The following KMT2C variants were observed in gnomAD, a reference collection of about 807,000 sequenced individuals.
The protein encoded by KMT2C is lysine methyltransferase 2C.
A neutral mutation model predicts 507.9 loss-of-function variants in KMT2C; 88 were observed. That is an observed-to-expected ratio of 0.17 (90% CI 0.15 to 0.21). The LOEUF is 0.21. Among genes scored for constraint, KMT2C ranks in the 10% least tolerant of loss-of-function variants. KMT2C has a pLI of 1.00. For missense variants in KMT2C, 4,954 were observed against 5,957.8 expected, an observed-to-expected ratio of 0.83 and a Z score of 5.55; for synonymous variants, 2,049 against 2,080.8, an observed-to-expected ratio of 0.98 and a Z score of 0.42.
In KMT2C at chr7:152,163,721, G is replaced by A. The variant is rs778258336; in HGVS notation, c.9856C>T (p.Pro3286Ser). The A allele has an allele frequency of 1.6e-5, 26 of 1,614,202 alleles. 1 individual carries two copies. The highest frequency in any genetic ancestry group is 8.9e-5 in the East Asian group (4 of 44,888). The change falls in exon 43 of 59, where the codon CCC becomes TCC. Residue 3286 changes from proline to serine, a missense_variant. Pro to Ser is a moderately conservative substitution (Grantham distance 74). Around this residue, in one of 29 missense-constraint regions of KMT2C, gnomAD observed 801 missense variants for 751.2 expected, o/e 1.07. Transcript: ENST00000262189. ...APPTMMPSVQPQPPLIPGATP... is the reference protein window; with the variant it reads ...APPTMMPSVQSQPPLIPGATP... ...GCACCTGGAATTAGGGGTGGCTGGG[G>A]CTGGACACTGGGCATCATGGTAGGT...
Position 152,156,394 on chromosome 7 carries a change from C to CG in KMT2C, c.11671-49_11671-48insC, listed in dbSNP as rs1563174769. On this transcript the variant is annotated intron_variant, in intron 44 of 58. Transcript: ENST00000262189. The stretch of plus-strand genomic sequence containing the variant: ...AATTATATGCTACTGAGCGAATATG[C>CG]AATGACCTTGCTAAAACGTAGTTCT... 3 of 1,596,506 alleles carry CG rather than the reference C, an allele frequency of 1.9e-6. No homozygotes were observed. The South Asian group carries it at 3.4e-5, about 18-fold the overall frequency.
chr7:152,271,673 CAAAAAAAAA>C (rs35698920), intron 7 of KMT2C, among the ~76,000 whole-genome samples: 2 of 55,004 alleles, frequency 3.6e-5, no homozygotes, highest in South Asian at 1.4e-3. Flanking sequence ...GACTCCATCT[CAAAAAAAAA>C]AAAAAAAAAA....
intron 10 of KMT2C, 81 bp downstream of exon 10, chr7:152,252,465 G>C (rs2095577349): frequency 1.8e-6 from 2 of 1,117,558 alleles, no homozygotes; most frequent in East Asian, 4.8e-5. Flanking sequence ...TAAAAACTTA[G>C]AAGCTGTAAG....
intron 1 of KMT2C, among the ~76,000 whole-genome samples, chr7:152,363,100 C>G (rs1050620094): frequency 6.6e-6 from 1 of 152,138 alleles, no homozygotes; most frequent in Non-Finnish European, 1.5e-5. Context: ...CTATCAGTTG[C>G]CAACTTTCAT....
intron 1 of KMT2C, among the ~76,000 whole-genome samples, chr7:152,387,091 A>G (rs1273440517): frequency 1.3e-5 from 2 of 152,170 alleles, no homozygotes; most frequent in East Asian, 3.8e-4. Context: ...TTTTACAATC[A>G]AGAAGACACA....
chr7:152,176,929 T>C lies in KMT2C; in HGVS notation c.8524A>G (p.Asn2842Asp). Residue 2842 changes from asparagine to aspartate, a missense_variant, in exon 38 of 59, where the codon AAT becomes GAT. Asn to Asp is a conservative substitution (Grantham distance 23, BLOSUM62 1). This residue lies in a region of KMT2C where 1,689 missense variants were observed against 1,654.3 expected (regional missense o/e 1.02). Coordinates refer to ENST00000262189, the MANE Select transcript of KMT2C (RefSeq NM_170606.3). ...TCAACATTATCTTTATTCTCATCAT[T>C]TTTTTCAGTTTCACATTTGGATTCC... ...KVESKCETEK[N>D]DENKDNVDTP... 1.2e-6 allele frequency: 2 copies of C among 1,614,200 alleles called. No individual in the cohort carries two copies. Among genetic ancestry groups the C allele is most frequent in the East Asian group, 2.2e-5 (1 of 44,886 alleles).
At chr7:152,370,220 GAGC>G in intron 1 of KMT2C, among the ~76,000 whole-genome samples, 1 of 151,032 alleles carries the variant, frequency 6.6e-6, no homozygotes, top group African/African-American at 2.4e-5. Context: ...GACAATAAAA[GAGC>G]AGTATGAACA....
At chr7:152,411,058 T>C (rs2097678014) in intron 1 of KMT2C, among the ~76,000 whole-genome samples, 1 of 152,248 alleles carries the variant, frequency 6.6e-6, no homozygotes, top group Non-Finnish European at 1.5e-5. Context: ...TATGTGTGCA[T>C]ACACACACAA....
chr7:152,181,947 C>T lies in KMT2C; in HGVS notation c.5913G>A (p.Arg1971=), dbSNP rs138984385. Reference sequence around the variant, plus strand: ...TGGGAAATTGATCTGTCATCACAGGCCTAGGTGTGTCTGGAGGTTTTGCAT... The same window carrying T: ...TGGGAAATTGATCTGTCATCACAGGTCTAGGTGTGTCTGGAGGTTTTGCAT... ...DPYAKPPDTP[R]PVMTDQFPKS... The change falls in exon 36 of 59, where the codon AGG becomes AGA. Residue 1971 remains arginine (R), a synonymous_variant. Coordinates refer to ENST00000262189, the MANE Select transcript of KMT2C (RefSeq NM_170606.3). 9 of 1,613,976 alleles carry T rather than the reference C, an allele frequency of 5.6e-6. No individual in the cohort carries two copies. In the African/African-American group the frequency reaches 1.1e-4, roughly 19 times the overall value.
Position 152,412,400 on chromosome 7 carries a change from C to CA in KMT2C, c.161+23225dup, listed in dbSNP as rs35035202. Among the ~76,000 whole-genome samples the CA allele has an allele frequency of 4.7e-5, 7 of 148,878 alleles. 1 individual carries two copies. In the South Asian group the frequency reaches 8.5e-4, roughly 18 times the overall value. On this transcript the variant is annotated intron_variant, in intron 1 of 58. Transcript: ENST00000262189. Reference sequence around the variant, plus strand: ...TGGGCGACAGAGCAAGACTCCCTCTCAAAAAAAAATTTTTTTAATGTTGCA... The same window carrying CA: ...TGGGCGACAGAGCAAGACTCCCTCTCAAAAAAAAAATTTTTTTAATGTTGCA...
chr7:152,252,205 G>A, intron 10 of KMT2C, 115 bp from the exon 11 acceptor site: 2 of 740,638 alleles, frequency 2.7e-6, no homozygotes, highest in East Asian at 2.8e-5. Context: ...TATGAGAGGA[G>A]AGAGGTTAGA....
rs530860408 is a variant in KMT2C at position 152,308,445 on chromosome 7, G to A, written c.849+1521C>T. ...AATCCCAGCACGTCAGGAGGCCAAG[G>A]CAGGCAGATCACCTGAGGTCAGGAG... On this transcript the variant is annotated intron_variant, in intron 6 of 58. Transcript: ENST00000262189. Among the ~76,000 whole-genome samples, 67 of 149,922 alleles carry A rather than the reference G, an allele frequency of 4.5e-4. 1 individual carries two copies. In the South Asian group the frequency reaches 0.014, roughly 31 times the overall value.
intron 1 of KMT2C, among the ~76,000 whole-genome samples, chr7:152,398,104 C>T (rs2097548193): frequency 6.6e-6 from 1 of 152,166 alleles, no homozygotes; most frequent in Non-Finnish European, 1.5e-5. Context: ...CATTAACAGA[C>T]ACACTCAGTA....
intron 56 of KMT2C, 93 bp downstream of exon 56, chr7:152,139,582 G>A: frequency 1.2e-6 from 1 of 845,576 alleles, no homozygotes; most frequent in Non-Finnish European, 2.0e-6. Flanking sequence ...CAGCATGACA[G>A]ATTTCATTCT....
chr7:152,355,021 T>C (rs562667176), intron 2 of KMT2C, among the ~76,000 whole-genome samples: 33 of 152,156 alleles, frequency 2.2e-4, no homozygotes, highest in South Asian at 1.7e-3. Flanking sequence ...AGCAGTCCAG[T>C]GGAATGGTAG....
In KMT2C at chr7:152,389,101, C is replaced by T. The variant is rs573043514; in HGVS notation, c.162-30426G>A. Reference sequence around the variant, plus strand: ...GTTTCACCGTGTTAGCAAGGATAGTCTCGACCTCCTGGCCTCGTGATCTGC... The same window carrying T: ...GTTTCACCGTGTTAGCAAGGATAGTTTCGACCTCCTGGCCTCGTGATCTGC... On this transcript the variant is annotated intron_variant, in intron 1 of 58. Transcript: ENST00000262189. Among the ~76,000 whole-genome samples the T allele has an allele frequency of 1.5e-3, 222 of 152,184 alleles. 1 individual carries two copies. The highest frequency in any genetic ancestry group is 5.1e-3 in the African/African-American group (210 of 41,540).
At chr7:152,347,078 C>G (rs1452181874) in intron 2 of KMT2C, among the ~76,000 whole-genome samples, 1 of 151,898 alleles carries the variant, frequency 6.6e-6, no homozygotes, top group Non-Finnish European at 1.5e-5. Flanking sequence ...GAGCCAAGAT[C>G]GTGCCACTGC....
intron 1 of KMT2C, among the ~76,000 whole-genome samples, chr7:152,405,144 C>T (rs2097600558): frequency 6.6e-6 from 1 of 152,232 alleles, no homozygotes; most frequent in African/African-American, 2.4e-5. Context: ...GGCACCACAC[C>T]CCACCAAAAA....
At chr7:152,309,510 T>C (rs2096651692) in intron 6 of KMT2C, among the ~76,000 whole-genome samples, 1 of 124,024 alleles carries the variant, frequency 8.1e-6, no homozygotes, top group African/African-American at 3.5e-5. Context: ...AAAATAACTT[T>C]TTTTTTTTTT....
Sources: allele counts gnomAD v4.1 joint callset (sites outside exome capture counted in the v4.1 genomes callset), GRCh38; gene constraint gnomAD v4.1.1; regional missense constraint gnomAD v4.1.1; transcripts MANE v1.5; gene names NCBI Gene and HGNC (gene_info 2026-07-23, HGNC 2026-07-21).